The following PEBP4 variants were observed in gnomAD, a reference collection of about 807,000 sequenced individuals.
The protein encoded by PEBP4 is phosphatidylethanolamine binding protein 4.
PEBP4 carries 22 observed loss-of-function variants against 23.9 expected under a neutral mutation model. The ratio of observed to expected loss-of-function variants is 0.92; its 90% CI spans 0.66 to 1.31. The LOEUF (loss-of-function observed/expected upper bound fraction) is 1.31, where lower values mean the gene tolerates loss of function less well. PEBP4 is among the 40% of genes most tolerant of loss of function. The probability of loss-of-function intolerance (pLI) is 0.00; values close to 1 mark genes in which losing one functional copy is unlikely to be tolerated. For missense variants in PEBP4, 324 were observed against 281.7 expected, an observed-to-expected ratio of 1.15 and a Z score of -1.07; for synonymous variants, 112 against 99.3, an observed-to-expected ratio of 1.13 and a Z score of -0.76.
chr8:22,939,368 A>C (rs531280191), intron 1 of PEBP4, among the ~76,000 whole-genome samples: 1 of 152,294 alleles, frequency 6.6e-6, no homozygotes, highest in Admixed American at 6.5e-5. Context: ...TTCAATGAAA[A>C]GGAAAATGAA....
At chr8:22,805,812 A>T (rs1806483519) in intron 4 of PEBP4, among the ~76,000 whole-genome samples, 1 of 152,112 alleles carries the variant, frequency 6.6e-6, no homozygotes. Context: ...AAGGGATTTG[A>T]TTGCATAAAC....
intron 3 of PEBP4, among the ~76,000 whole-genome samples, chr8:22,901,697 G>A (rs1016150065): frequency 1.3e-5 from 2 of 152,176 alleles, no homozygotes; most frequent in African/African-American, 4.8e-5. Flanking sequence ...GTAGGAGCAC[G>A]CTGACAGAAC....
At chr8:22,927,115 C>T (rs1809354514) in intron 2 of PEBP4, among the ~76,000 whole-genome samples, 2 of 152,220 alleles carry the variant, frequency 1.3e-5, no homozygotes, top group East Asian at 1.9e-4. Context: ...CCCTAAAGGG[C>T]CCTGCACAAA....
At chr8:22,869,391 G>A (rs957192866) in intron 3 of PEBP4, among the ~76,000 whole-genome samples, 1 of 152,152 alleles carries the variant, frequency 6.6e-6, no homozygotes, top group South Asian at 2.1e-4. Flanking sequence ...CAAGACTTGG[G>A]GCTTTGTCTC....
intron 1 of PEBP4, among the ~76,000 whole-genome samples, chr8:22,936,291 G>A (rs1809539328): frequency 6.6e-6 from 1 of 151,608 alleles, no homozygotes; most frequent in Non-Finnish European, 1.5e-5. Context: ...AATAAAAAGG[G>A]TGATAAGAGA....
intron 4 of PEBP4, among the ~76,000 whole-genome samples, chr8:22,776,675 A>G (rs1477419788): frequency 2.6e-5 from 4 of 151,314 alleles, no homozygotes; most frequent in East Asian, 1.9e-4. Flanking sequence ...TACTTTCACC[A>G]TCTATTCCCC....
rs570437637 is a variant in PEBP4, at chr8:22,899,064, C to T, written c.258+21120G>A. ...GTTCATTCACAGCCTCTGAAGCTGG[C>T]GATCTAGGACCCTGGACAAGCTACA... On this transcript the variant is annotated intron_variant, in intron 3 of 6. Transcript: ENST00000256404. Among the ~76,000 whole-genome samples the T allele has an allele frequency of 2.9e-4, 44 of 152,320 alleles. 2 individuals carry two copies. The South Asian group carries it at 7.3e-3, about 25-fold the overall frequency.
chr8:22,773,883 C>T (rs939604215), intron 4 of PEBP4, among the ~76,000 whole-genome samples: 1 of 152,138 alleles, frequency 6.6e-6, no homozygotes, highest in Admixed American at 6.5e-5. Context: ...CTGTTCTGAC[C>T]AGAGGACGAT....
At chr8:22,779,254 C>G (rs1224372867) in intron 4 of PEBP4, among the ~76,000 whole-genome samples, 2 of 152,170 alleles carry the variant, frequency 1.3e-5, no homozygotes, top group Non-Finnish European at 2.9e-5. Flanking sequence ...TTGGATTCAC[C>G]TGTTTTCCAA....
intron 3 of PEBP4, among the ~76,000 whole-genome samples, chr8:22,892,510 T>C (rs1446637501): frequency 6.6e-6 from 1 of 152,224 alleles, no homozygotes; most frequent in Non-Finnish European, 1.5e-5. Context: ...CAATTTTCTG[T>C]ATTAACTAGT....
At chr8:22,812,257 C>T (rs759115217) in intron 4 of PEBP4, among the ~76,000 whole-genome samples, 14 of 151,974 alleles carry the variant, frequency 9.2e-5, no homozygotes, top group Middle Eastern at 3.2e-3. Flanking sequence ...AGCAGGGAGC[C>T]ATAATTCTTG....
chr8:22,915,009 C>T (rs917764460), intron 3 of PEBP4, among the ~76,000 whole-genome samples: 6 of 152,096 alleles, frequency 3.9e-5, no homozygotes, highest in African/African-American at 1.4e-4. Context: ...TATACTCAAC[C>T]TCATTGTTAC....
chr8:22,817,826 G>A (rs1469308878), intron 3 of PEBP4, 91 bp from the exon 4 acceptor site: 15 of 1,132,618 alleles, frequency 1.3e-5, no homozygotes, highest in African/African-American at 3.0e-5. Context: ...CATTCCAACC[G>A]AGAATGGCTG....
At position 22,815,276 on chromosome 8, in the gene PEBP4, C is replaced by T. The variant is rs115105033; in HGVS notation, c.357+2361G>A. ...TCTTCCTTCAATCTGCTCAACCCCT[C>T]TGGATGCTTGTTAAGCCAGAATGCC... On this transcript the variant is annotated intron_variant, in intron 4 of 6. Coordinates refer to ENST00000256404, the MANE Select transcript of PEBP4 (RefSeq NM_144962.3). 6.3e-3 allele frequency among the ~76,000 whole-genome samples: 963 copies of T among 152,332 alleles called. 9 individuals carry two copies. Among genetic ancestry groups the T allele is most frequent in the African/African-American group, 0.021 (889 of 41,564 alleles).
chr8:22,723,810 G>A (rs1234427407), intron 6 of PEBP4, among the ~76,000 whole-genome samples: 2 of 152,150 alleles, frequency 1.3e-5, no homozygotes, highest in Non-Finnish European at 2.9e-5. Context: ...GTGATAGGTG[G>A]GCCCTGCTCG....
At chr8:22,898,602 C>T (rs1291035845) in intron 3 of PEBP4, among the ~76,000 whole-genome samples, 2 of 152,112 alleles carry the variant, frequency 1.3e-5, no homozygotes, top group African/African-American at 4.8e-5. Context: ...TAACCATAGA[C>T]ATTCATGCCC....
chr8:22,860,209 C>T (rs56295010), intron 3 of PEBP4, among the ~76,000 whole-genome samples: 5,045 of 102,894 alleles, frequency 0.049, 218 homozygotes, highest in African/African-American at 0.11. Context: ...TATATATACA[C>T]ATATATGTAT....
intron 4 of PEBP4, among the ~76,000 whole-genome samples, chr8:22,749,908 G>A (rs909789857): frequency 2.7e-5 from 4 of 148,578 alleles, no homozygotes; most frequent in Non-Finnish European, 4.4e-5. Flanking sequence ...CTAGGTTCAA[G>A]CGATTCTCCT....
At chr8:22,909,816 G>T (rs1808898458) in intron 3 of PEBP4, among the ~76,000 whole-genome samples, 1 of 152,208 alleles carries the variant, frequency 6.6e-6, no homozygotes, top group Admixed American at 6.5e-5. Context: ...TGTGCTGGGT[G>T]GCTGCAAGGC....
Sources: allele counts gnomAD v4.1 joint callset (sites outside exome capture counted in the v4.1 genomes callset), GRCh38; gene constraint gnomAD v4.1.1; transcripts MANE v1.5; gene names NCBI Gene and HGNC (gene_info 2026-07-23, HGNC 2026-07-21).